The following NLK variants were observed in gnomAD, a reference collection of about 807,000 sequenced individuals.
The protein encoded by NLK is nemo like kinase, also known as serine/threonine-protein kinase NLK.
In NLK, 11 loss-of-function variants were observed where a neutral mutation model predicts 59.0. That is an observed-to-expected ratio of 0.19 (90% CI 0.12 to 0.31). The LOEUF (loss-of-function observed/expected upper bound fraction) is 0.31. Among genes scored for constraint, NLK ranks in the 10% least tolerant of loss-of-function variants. NLK has a pLI of 1.00. For missense variants in NLK, 410 were observed against 661.1 expected (o/e 0.62, Z 4.16); for synonymous variants, 235 against 235.9 (o/e 1.00, Z 0.03).
At chr17:28,085,752 G>A (rs112146265) in intron 1 of NLK, among the ~76,000 whole-genome samples, 3,783 of 150,202 alleles carry the variant, frequency 0.025, 136 homozygotes, top group African/African-American at 0.09. Context: ...AGAAAAAAAA[G>A]AAAAAAGTAG....
At chr17:28,072,939 TG>T (rs1298744932) in intron 1 of NLK, among the ~76,000 whole-genome samples, 1 of 152,176 alleles carries the variant, frequency 6.6e-6, no homozygotes, top group African/African-American at 2.4e-5. Flanking sequence ...TGTAGGTGCT[TG>T]TTTCTTTGGT....
chr17:28,188,384 G>C (rs916996743), intron 8 of NLK, among the ~76,000 whole-genome samples: 4 of 152,002 alleles, frequency 2.6e-5, no homozygotes, highest in Admixed American at 6.6e-5. Context: ...TTTATTTCCA[G>C]TTCTGAGAGT....
At chr17:28,097,533 A>G (rs1904745440) in intron 1 of NLK, among the ~76,000 whole-genome samples, 1 of 152,160 alleles carries the variant, frequency 6.6e-6, no homozygotes, top group Non-Finnish European at 1.5e-5. Context: ...AGTTTTATAA[A>G]TAAATTATCC....
intron 1 of NLK, among the ~76,000 whole-genome samples, chr17:28,088,730 C>T (rs1567710685): frequency 6.6e-6 from 1 of 152,158 alleles, no homozygotes; most frequent in African/African-American, 2.4e-5. Flanking sequence ...GATTTGACAA[C>T]ATGTTCCAGG....
chr17:28,046,968 A>G (rs1447364662), intron 1 of NLK, among the ~76,000 whole-genome samples: 3 of 152,150 alleles, frequency 2.0e-5, no homozygotes, highest in African/African-American at 7.2e-5. Flanking sequence ...GAGGTCTTTG[A>G]ATTTTATTAT....
rs528727330 is a variant in NLK at position 28,061,839 on chromosome 17, CAT to C, written c.458+18516_458+18517del. The stretch of plus-strand genomic sequence containing the variant: ...TATAATATATACATATATACATATA[CAT>C]ATATATAATATATAATATATACATA... On this transcript the variant is annotated intron_variant, in intron 1 of 10. Transcript: ENST00000407008. 389 of 138,622 alleles carry C rather than the reference CAT, an allele frequency of 2.8e-3. 2 individuals are homozygous for C. The highest frequency in any genetic ancestry group is 8.9e-3 in the African/African-American group (326 of 36,738). 8.6% of individuals were successfully genotyped at this position (138,622 alleles called of 1,614,324 possible). A position where few individuals can be genotyped will look rare whatever the true frequency, so the allele number is the denominator to read the frequency against.
At chr17:28,156,581 G>C (rs1419089314) in intron 3 of NLK, among the ~76,000 whole-genome samples, 1 of 152,066 alleles carries the variant, frequency 6.6e-6, no homozygotes, top group East Asian at 1.9e-4. Flanking sequence ...AGGGGGAGGG[G>C]GATGGTCATT....
intron 3 of NLK, among the ~76,000 whole-genome samples, chr17:28,139,878 A>G (rs2142028038): frequency 1.3e-5 from 2 of 152,300 alleles, no homozygotes; most frequent in Admixed American, 1.3e-4. Context: ...TGGGGCAGAG[A>G]TGAGCTGTAA....
intron 1 of NLK, among the ~76,000 whole-genome samples, chr17:28,117,437 T>C (rs1442932534): frequency 1.3e-5 from 2 of 152,172 alleles, no homozygotes; most frequent in African/African-American, 4.8e-5. Flanking sequence ...TCCTCCATTA[T>C]CAGTACTTTC....
chr17:28,054,662 G>A (rs1189239244), intron 1 of NLK, among the ~76,000 whole-genome samples: 3 of 152,144 alleles, frequency 2.0e-5, no homozygotes, highest in Non-Finnish European at 4.4e-5. Context: ...AGTAAAAGTT[G>A]GGCCAGTCTT....
In NLK at chr17:28,185,318, C is replaced by T. The variant is rs1490841609; in HGVS notation, c.1236+53C>T. ...TTAATGAATTACAAATACATGTGTT[C>T]GAGAGAAACATTGTGGTTTTGAATA... On this transcript the variant is annotated intron_variant, in intron 8 of 10. Transcript: ENST00000407008. 9.8e-6 allele frequency: 11 copies of T among 1,123,228 alleles called. No individual in the cohort carries two copies. In the East Asian group the frequency reaches 1.6e-4, roughly 16 times the overall value. 69.6% of individuals were successfully genotyped at this position (1,123,228 alleles called of 1,614,324 possible). A position where few individuals can be genotyped will look rare whatever the true frequency, so the allele number is the denominator to read the frequency against.
At chr17:28,069,187 AT>A (rs1909929622) in intron 1 of NLK, among the ~76,000 whole-genome samples, 1 of 152,136 alleles carries the variant, frequency 6.6e-6, no homozygotes. Flanking sequence ...ATGTACTCTT[AT>A]GTGCGAGGCT....
chr17:28,194,167 G>A (rs1040812011), intron 10 of NLK, among the ~76,000 whole-genome samples: 1 of 152,082 alleles, frequency 6.6e-6, no homozygotes, highest in Non-Finnish European at 1.5e-5. Context: ...TTATTTTCCT[G>A]ATTGATTATT....
chr17:28,198,621 G>A (rs1909544948), downstream of NLK, among the ~76,000 whole-genome samples: 1 of 152,086 alleles, frequency 6.6e-6, no homozygotes, highest in Non-Finnish European at 1.5e-5. Flanking sequence ...CACCGTGCCT[G>A]GCCATCTTCA....
intron 1 of NLK, among the ~76,000 whole-genome samples, chr17:28,079,714 T>C (rs1270443151): frequency 6.6e-6 from 1 of 152,172 alleles, no homozygotes; most frequent in East Asian, 1.9e-4. Flanking sequence ...TCAGAGTTCC[T>C]TGTATATTCT....
chr17:28,111,788 T>TAA (rs1402621877), intron 1 of NLK, among the ~76,000 whole-genome samples: 4 of 151,988 alleles, frequency 2.6e-5, no homozygotes, highest in African/African-American at 7.3e-5. Flanking sequence ...GTCCTGCTTG[T>TAA]GTCTGCATAG....
Position 28,194,671 on chromosome 17 carries a change from T to C in NLK, c.*35T>C. ...ATAATGTACTACTGAAGATGTAATG[T>C]AGCTTTCCACTGGAGTCTGGGATTT... On this transcript the variant is annotated 3_prime_UTR_variant, in exon 11 of 11. Coordinates refer to ENST00000407008, the MANE Select transcript of NLK (RefSeq NM_016231.5). 6.7e-7 allele frequency: 1 copy of C among 1,499,736 alleles called. No homozygotes were observed. The highest frequency in any genetic ancestry group is 9.2e-7 in the Non-Finnish European group (1 of 1,088,960). 92.9% of individuals were successfully genotyped at this position (1,499,736 alleles called of 1,614,324 possible).
chr17:28,074,631 G>A (rs993854230), intron 1 of NLK, among the ~76,000 whole-genome samples: 5 of 152,082 alleles, frequency 3.3e-5, no homozygotes, highest in South Asian at 4.1e-4. Context: ...ATTTTTTTAC[G>A]AAAAGAGATC....
chr17:28,122,663 C>T lies in NLK; in HGVS notation c.519C>T (p.Phe173=). Residue 173 remains phenylalanine, a synonymous_variant, in exon 2 of 11, where the codon TTC becomes TTT. Transcript: ENST00000407008. ...RVALKKMPNV[F]QNLVSCKRVF... ...CGCTCAAAAAGATGCCCAACGTCTT[C>T]CAGAATCTGGTCTCTTGCAAAAGGG... The T allele has an allele frequency of 6.2e-7, 1 of 1,613,740 alleles. No homozygotes were observed. Among genetic ancestry groups the T allele is most frequent in the Non-Finnish European group, 8.5e-7 (1 of 1,179,768 alleles).
Sources: gnomAD v4.1 joint callset for allele counts (sites outside exome capture counted in the v4.1 genomes callset) on GRCh38, gnomAD v4.1.1 for gene constraint, MANE v1.5 for transcripts, NCBI Gene and HGNC (gene_info 2026-07-23, HGNC 2026-07-21) for gene names.